Variants in BPIFB3 observed in about 807,000 individuals in gnomAD.
BPIFB3 encodes the protein BPI fold-containing family B member 3.
BPIFB3 carries 49 observed loss-of-function variants against 53.1 expected under a neutral mutation model. That is an observed-to-expected ratio of 0.92 (90% CI 0.73 to 1.17). The LOEUF (loss-of-function observed/expected upper bound fraction) is 1.17. Among genes scored for constraint, BPIFB3 ranks in the 50% most tolerant of loss-of-function variants. The pLI is 0.00. For missense variants in BPIFB3, 628 were observed against 592.5 expected, an observed-to-expected ratio of 1.06 and a Z score of -0.62; for synonymous variants, 271 against 269.6, an observed-to-expected ratio of 1.01 and a Z score of -0.05.
intron 5 of BPIFB3, among the ~76,000 whole-genome samples, chr20:33,063,002 G>A (rs978600854): frequency 1.3e-5 from 2 of 152,234 alleles, no homozygotes; most frequent in Non-Finnish European, 2.9e-5. Flanking sequence ...GAAGGGGCTG[G>A]ACTGCATCCT....
chr20:33,063,516 A>G lies in BPIFB3; in HGVS notation c.592-99A>G, dbSNP rs1000912701. On this transcript the variant is annotated intron_variant, in intron 5 of 14. Transcript: ENST00000375494. The stretch of plus-strand genomic sequence containing the variant: ...TGCCTTCCGCCTTGCCTTGGTCCCC[A>G]GCACCACATAGCAGCAGATAGCAAA... 2.5e-5 allele frequency: 34 copies of G among 1,366,944 alleles called. No homozygotes were observed. The African/African-American group carries it at 4.9e-4, about 20-fold the overall frequency. The allele number at this position is 1,366,944 out of a possible 1,614,324, so 84.7% of individuals were successfully genotyped here.
At chr20:33,058,911 C>A (rs1980324725) in intron 2 of BPIFB3, among the ~76,000 whole-genome samples, 1 of 152,006 alleles carries the variant, frequency 6.6e-6, no homozygotes, top group African/African-American at 2.4e-5. Context: ...GAGGAAATGG[C>A]CTGGGCAAAG....
At chr20:33,070,544 G>A (rs1980842712) in intron 11 of BPIFB3, among the ~76,000 whole-genome samples, 1 of 152,214 alleles carries the variant, frequency 6.6e-6, no homozygotes, top group African/African-American at 2.4e-5. Context: ...CCCTAGAGCA[G>A]GTCTGCAGTC....
At chr20:33,054,898 C>G (rs980672797), upstream of BPIFB3, among the ~76,000 whole-genome samples, 1 of 152,188 alleles carries the variant, frequency 6.6e-6, no homozygotes, top group African/African-American at 2.4e-5. Context: ...CATGTTAAGT[C>G]TAAGTGTTGG....
At chr20:33,057,181 A>G (rs1980245504) in intron 2 of BPIFB3, among the ~76,000 whole-genome samples, 1 of 151,632 alleles carries the variant, frequency 6.6e-6, no homozygotes, top group Admixed American at 6.5e-5. Flanking sequence ...TGTATGCTCA[A>G]AAAGCTTTTT....
At chr20:33,060,148 C>A in intron 4 of BPIFB3, 117 bp downstream of exon 5, 4 of 1,372,582 alleles carry the variant, frequency 2.9e-6, no homozygotes, top group Admixed American at 4.5e-5. Flanking sequence ...ACTCGTCCTA[C>A]CCCTGCTTGT....
At chr20:33,068,890 G>T in exon 10 of BPIFB3, 1 of 1,614,014 alleles carries the variant, frequency 6.2e-7, no homozygotes, top group Non-Finnish European at 8.5e-7. Context: ...CAACAAGAAG[G>T]CCTTGGTCTC....
intron 8 of BPIFB3, 48 bp from the exon 10 acceptor site, chr20:33,066,776 C>T: frequency 2.5e-6 from 4 of 1,580,636 alleles, no homozygotes; most frequent in Non-Finnish European, 3.5e-6. Flanking sequence ...TGAGGGATTC[C>T]TGTTCTGTCT....
intron 9 of BPIFB3, among the ~76,000 whole-genome samples, chr20:33,067,372 C>A (rs1320735817): frequency 6.6e-6 from 1 of 152,162 alleles, no homozygotes. Flanking sequence ...GCTGTGAGAA[C>A]TGGAATTCGT....
At position 33,061,844 on chromosome 20, in the gene BPIFB3, G is replaced by T. The variant is rs149208047; in HGVS notation, c.591+13G>T. 6.2e-7 allele frequency: 1 copy of T among 1,614,068 alleles called. No homozygotes were observed. Among genetic ancestry groups the T allele is most frequent in the South Asian group, 1.1e-5 (1 of 91,066 alleles). ...GCTTCCGGGACTGGTGAGTGTGCGGGCCGTGTGCCAGCATGCCCTCTCCCA... is the reference window on the plus strand; with the variant it reads ...GCTTCCGGGACTGGTGAGTGTGCGGTCCGTGTGCCAGCATGCCCTCTCCCA... On this transcript the variant is annotated intron_variant, in intron 5 of 14. Coordinates refer to ENST00000375494, the Ensembl canonical transcript of BPIFB3.
intron 1 of BPIFB3, among the ~76,000 whole-genome samples, chr20:33,055,846 C>CT (rs1243492477): frequency 1.3e-5 from 2 of 152,084 alleles, no homozygotes; most frequent in Non-Finnish European, 2.9e-5. Context: ...GGGGAGGGTG[C>CT]TAGCTGGGCC....
chr20:33,065,945 C>T (rs1479207843), intron 8 of BPIFB3, among the ~76,000 whole-genome samples: 1 of 152,204 alleles, frequency 6.6e-6, no homozygotes, highest in African/African-American at 2.4e-5. Context: ...TAGTCATAGC[C>T]AGGCAGAGAC....
intron 9 of BPIFB3, among the ~76,000 whole-genome samples, chr20:33,067,125 T>G (rs1007891956): frequency 7.2e-5 from 11 of 152,362 alleles, no homozygotes; most frequent in Admixed American, 6.5e-4. Flanking sequence ...AAATTGTTTC[T>G]GTAGCACACA....
intron 8 of BPIFB3, among the ~76,000 whole-genome samples, chr20:33,065,599 AAAGAAG>A (rs1980639040): frequency 2.0e-5 from 3 of 148,062 alleles, no homozygotes; most frequent in Non-Finnish European, 3.0e-5. Flanking sequence ...GGAAGGAAGG[AAAGAAG>A]GAAGGAAGGA....
At chr20:33,064,897 C>T in intron 8 of BPIFB3, 52 bp downstream of exon 9, 3 of 1,566,666 alleles carry the variant, frequency 1.9e-6, no homozygotes, top group South Asian at 2.3e-5. Context: ...CCTGCTGTGC[C>T]TTGGCATTAC....
chr20:33,064,863 G>A lies in BPIFB3; in HGVS notation c.924+18G>A, dbSNP rs369485217. ...CTGAGCTGGTGAGTGTGGTGCCCGG[G>A]GGATGGGGATGGGGGCTCCTTGCCC... On this transcript the variant is annotated intron_variant, in intron 8 of 14. Coordinates refer to ENST00000375494, the Ensembl canonical transcript of BPIFB3. 2.5e-6 allele frequency: 4 copies of A among 1,604,762 alleles called. No individual in the cohort carries two copies. Among genetic ancestry groups the A allele is most frequent in the Non-Finnish European group, 3.4e-6 (4 of 1,177,620 alleles).
At position 33,064,714 on chromosome 20, in the gene BPIFB3, C is replaced by T. The variant is rs376328599; in HGVS notation, c.793C>T (p.Arg265Cys). ...TGATATCATTGACTTCCCCAAGTCC[C>T]GTGCCCCAGCCAAGGTGCCCCCCAA... Residue 265 changes from arginine (R) to cysteine (C), a missense_variant, in exon 8 of 15, where the codon CGT (arginine) becomes TGT (cysteine). By Grantham distance (180) the Arg-to-Cys change is radical. Transcript: ENST00000375494. 9.4e-4 allele frequency: 1,519 copies of T among 1,614,070 alleles called. 23 individuals carry two copies. In the South Asian group the frequency reaches 0.015, roughly 16 times the overall value.
chr20:33,063,315 G>T (rs1980528988), intron 5 of BPIFB3, among the ~76,000 whole-genome samples: 1 of 152,132 alleles, frequency 6.6e-6, no homozygotes. Flanking sequence ...GGCCTTGTCC[G>T]CATGCCCAAA....
chr20:33,054,910 T>C (rs1281435665), upstream of BPIFB3, among the ~76,000 whole-genome samples: 2 of 152,184 alleles, frequency 1.3e-5, no homozygotes, highest in African/African-American at 4.8e-5. Context: ...AAGTGTTGGG[T>C]GTCCCCAGTC....
Sources: gnomAD v4.1 joint callset for allele counts (sites outside exome capture counted in the v4.1 genomes callset) on GRCh38, gnomAD v4.1.1 for gene constraint, MANE v1.5 for transcripts, NCBI Gene and HGNC (gene_info 2026-07-23, HGNC 2026-07-21) for gene names.